The following MINDY4 variants were observed in gnomAD, a reference collection of about 807,000 sequenced individuals.
MINDY4 encodes the protein MINDY lysine 48 deubiquitinase 4, also known as probable ubiquitin carboxyl-terminal hydrolase MINDY-4.
A neutral mutation model predicts 87.0 loss-of-function variants in MINDY4; 68 were observed. The ratio of observed to expected loss-of-function variants is 0.78; its 90% CI spans 0.64 to 0.96. The LOEUF is 0.96. Ranked by LOEUF, MINDY4 falls within the 40% of genes least tolerant of loss-of-function variation. MINDY4 has a pLI of 0.00. For missense variants in MINDY4, 919 were observed against 928.2 expected, an observed-to-expected ratio of 0.99 and a Z score of 0.13; for synonymous variants, 379 against 363.2, an observed-to-expected ratio of 1.04 and a Z score of -0.50.
At chr7:30,809,142 A>G (rs1787906583) in intron 5 of MINDY4, among the ~76,000 whole-genome samples, 2 of 152,102 alleles carry the variant, frequency 1.3e-5, no homozygotes, top group African/African-American at 4.8e-5. Flanking sequence ...GTTCTCCATA[A>G]CCCTATAACA....
intron 17 of MINDY4, among the ~76,000 whole-genome samples, chr7:30,890,310 T>A (rs1433695663): frequency 6.6e-6 from 1 of 152,260 alleles, no homozygotes; most frequent in Non-Finnish European, 1.5e-5. Flanking sequence ...CTGCGTCTTG[T>A]GTCTAGACTA....
At chr7:30,841,809 C>T (rs897135724) in intron 9 of MINDY4, among the ~76,000 whole-genome samples, 1 of 152,168 alleles carries the variant, frequency 6.6e-6, no homozygotes, top group Non-Finnish European at 1.5e-5. Context: ...CCCCTATTCT[C>T]CTGAAGTTAT....
At chr7:30,886,594 C>T (rs960648694) in intron 17 of MINDY4, among the ~76,000 whole-genome samples, 1 of 152,230 alleles carries the variant, frequency 6.6e-6, no homozygotes, top group Non-Finnish European at 1.5e-5. Flanking sequence ...AGGACTGTGG[C>T]TTACGCTTTT....
chr7:30,793,174 A>G (rs1279640870), intron 5 of MINDY4, among the ~76,000 whole-genome samples: 7 of 97,324 alleles, frequency 7.2e-5, no homozygotes, highest in African/African-American at 2.8e-4. Flanking sequence ...TTATATATGT[A>G]TTATTCTTTA....
intron 15 of MINDY4, among the ~76,000 whole-genome samples, chr7:30,879,110 G>C (rs1490016652): frequency 6.6e-6 from 1 of 152,154 alleles, no homozygotes; most frequent in Non-Finnish European, 1.5e-5. Flanking sequence ...GCTGAACTAT[G>C]TCTCCCCAAA....
intron 5 of MINDY4, among the ~76,000 whole-genome samples, chr7:30,802,286 T>A (rs891625134): frequency 2.0e-5 from 3 of 151,750 alleles, no homozygotes; most frequent in African/African-American, 7.3e-5. Flanking sequence ...CTACTCACTC[T>A]CACAGTTGTT....
rs755501587 is a variant in MINDY4 at position 30,859,172 on chromosome 7, C to G, written c.1678-85C>G. The G allele has an allele frequency of 2.9e-5, 40 of 1,391,746 alleles. No homozygotes were observed. In the South Asian group the frequency reaches 4.6e-4, roughly 16 times the overall value. 86.2% of individuals were successfully genotyped at this position (1,391,746 alleles called of 1,614,324 possible). ...CAGTTGGCTCAGGGCAGGCTGCTCC[C>G]TGGGGTGTGGCTCCCACAGAGGTGT... is the stretch of plus-strand genomic sequence containing the variant. On this transcript the variant is annotated intron_variant, in intron 12 of 17. Transcript: ENST00000265299.
At chr7:30,808,435 G>A (rs1005051886) in intron 5 of MINDY4, among the ~76,000 whole-genome samples, 10 of 152,204 alleles carry the variant, frequency 6.6e-5, no homozygotes, top group South Asian at 2.1e-4. Context: ...TTCTGGTTTG[G>A]TGTAAACTGT....
chr7:30,892,148 C>A lies in MINDY4; in HGVS notation c.*143C>A. On this transcript the variant is annotated 3_prime_UTR_variant, in exon 18 of 18. Transcript: ENST00000265299. ...TGCAGAAGCATCCAGAGCCTCCCTG[C>A]CCCTTCCATGAAGGGCCCACCCAAG... 1 of 844,530 alleles carries A rather than the reference C, an allele frequency of 1.2e-6. No individual in the cohort carries two copies. Among genetic ancestry groups the A allele is most frequent in the Non-Finnish European group, 1.9e-6 (1 of 519,054 alleles). 52.3% of individuals were successfully genotyped at this position (844,530 alleles called of 1,614,324 possible). A position where few individuals can be genotyped will look rare whatever the true frequency, so the allele number is the denominator to read the frequency against.
chr7:30,790,229 A>T (rs1787280094), intron 4 of MINDY4, among the ~76,000 whole-genome samples: 1 of 150,546 alleles, frequency 6.6e-6, no homozygotes, highest in African/African-American at 2.4e-5. Flanking sequence ...GGAATTTATA[A>T]TTTTTTTTTT....
intron 5 of MINDY4, among the ~76,000 whole-genome samples, chr7:30,804,717 C>T (rs1787755568): frequency 6.6e-6 from 1 of 152,176 alleles, no homozygotes; most frequent in Non-Finnish European, 1.5e-5. Flanking sequence ...TACATATTTA[C>T]AAGTGGGGAA....
chr7:30,839,236 T>A lies in MINDY4; in HGVS notation c.1276T>A (p.Cys426Ser). The change falls in exon 8 of 18, where the codon TGT (cysteine) becomes AGT (serine). Residue 426 changes from cysteine to serine, a missense_variant. Physicochemically the swap from Cys to Ser is moderately radical, Grantham distance 112. Coordinates refer to ENST00000265299, the MANE Select transcript of MINDY4 (RefSeq NM_032222.3). ...CCTTCTGTTTGGTTCCAGCTTTTGC[T>A]GTTTCAATGAAGAATGGAAACTTCA... ...KTLLFGSSFC[C>S]FNEEWKLQSF... 1 of 1,611,750 alleles carries A rather than the reference T, an allele frequency of 6.2e-7. No individual in the cohort carries two copies. Among genetic ancestry groups the A allele is most frequent in the South Asian group, 1.1e-5 (1 of 90,056 alleles).
chr7:30,880,270 A>G (rs1790418531), intron 15 of MINDY4, among the ~76,000 whole-genome samples: 1 of 150,950 alleles, frequency 6.6e-6, no homozygotes, highest in Non-Finnish European at 1.5e-5. Context: ...AAAGTCCCAG[A>G]CTGTGCTGTA....
intron 4 of MINDY4, among the ~76,000 whole-genome samples, chr7:30,788,427 T>C (rs903017336): frequency 2.0e-5 from 3 of 152,226 alleles, no homozygotes; most frequent in African/African-American, 4.8e-5. Context: ...TAGTGAGTTA[T>C]ATAGATCTTC....
At chr7:30,862,238 C>A (rs1789787692) in intron 13 of MINDY4, among the ~76,000 whole-genome samples, 1 of 152,202 alleles carries the variant, frequency 6.6e-6, no homozygotes, top group African/African-American at 2.4e-5. Flanking sequence ...AGGGGAGACT[C>A]CTGAAGAGGA....
intron 12 of MINDY4, chr7:30,858,353 A>T (rs1045060795): frequency 1.1e-4 from 16 of 152,184 alleles, no homozygotes; most frequent in African/African-American, 3.4e-4. Context: ...TCACAACTTG[A>T]TAAGGGTAGG....
intron 16 of MINDY4, 121 bp from the exon 17 acceptor site, chr7:30,882,800 T>C (rs1790510726): frequency 1.2e-6 from 1 of 824,154 alleles, no homozygotes; most frequent in Non-Finnish European, 2.0e-6. Flanking sequence ...GTGGGTCCAG[T>C]TGAGATGGAG....
chr7:30,802,905 A>G (rs900332645), intron 5 of MINDY4, among the ~76,000 whole-genome samples: 1 of 151,800 alleles, frequency 6.6e-6, no homozygotes, highest in Non-Finnish European at 1.5e-5. Flanking sequence ...CCAACAAACC[A>G]TTCCACCCAT....
intron 7 of MINDY4, among the ~76,000 whole-genome samples, chr7:30,837,290 C>G (rs781745211): frequency 1.3e-5 from 2 of 152,140 alleles, no homozygotes; most frequent in African/African-American, 2.4e-5. Flanking sequence ...GATTGCTCAC[C>G]ATGCTCGGCT....
Sources: gnomAD v4.1 joint callset for allele counts (sites outside exome capture counted in the v4.1 genomes callset) on GRCh38, gnomAD v4.1.1 for gene constraint, MANE v1.5 for transcripts, NCBI Gene and HGNC (gene_info 2026-07-23, HGNC 2026-07-21) for gene names.